Variants in KHDRBS2 observed in about 807,000 individuals in gnomAD.
KHDRBS2 encodes KH RNA binding domain containing, signal transduction associated 2.
KHDRBS2 carries 26 observed loss-of-function variants against 44.3 expected under a neutral mutation model. The observed-to-expected ratio is 0.59, with a 90% CI of 0.43 to 0.81. KHDRBS2 has a LOEUF of 0.81. Among genes scored for constraint, KHDRBS2 ranks in the 40% least tolerant of loss-of-function variants. KHDRBS2 has a pLI of 0.00. For missense variants in KHDRBS2, 476 were observed against 433.1 expected, an observed-to-expected ratio of 1.10 and a Z score of -0.88; for synonymous variants, 194 against 151.1, an observed-to-expected ratio of 1.28 and a Z score of -2.08.
chr6:61,702,237 C>T (rs548237148), intron 7 of KHDRBS2, among the ~76,000 whole-genome samples: 1 of 151,944 alleles, frequency 6.6e-6, no homozygotes, highest in South Asian at 2.1e-4. Flanking sequence ...AGTGATGTTA[C>T]TAATTTTTTA....
chr6:62,104,141 G>C (rs1802569748), intron 2 of KHDRBS2, among the ~76,000 whole-genome samples: 1 of 152,150 alleles, frequency 6.6e-6, no homozygotes, highest in East Asian at 1.9e-4. Flanking sequence ...TAGAATATCA[G>C]TAAGGTATAA....
intron 1 of KHDRBS2, among the ~76,000 whole-genome samples, chr6:62,244,044 T>C (rs1835124131): frequency 6.6e-6 from 1 of 152,170 alleles, no homozygotes; most frequent in Non-Finnish European, 1.5e-5. Flanking sequence ...TGAGTCATTC[T>C]GTCAGTCTTA....
chr6:61,954,450 T>C (rs1379540001), intron 4 of KHDRBS2, among the ~76,000 whole-genome samples: 25 of 146,646 alleles, frequency 1.7e-4, no homozygotes, highest in African/African-American at 6.0e-4. Context: ...CATATATACG[T>C]ATGTATGTAT....
the KHDRBS2 span, among the ~76,000 whole-genome samples, chr6:61,634,287 A>G: frequency 2.5e-3 from 374 of 152,082 alleles, 8 homozygotes; most frequent in East Asian, 0.017. Context: ...AAAGTTGGAA[A>G]TGGCTTTTGG....
At chr6:62,202,384 C>T (rs886306499) in intron 1 of KHDRBS2, among the ~76,000 whole-genome samples, 8 of 152,054 alleles carry the variant, frequency 5.3e-5, no homozygotes, top group African/African-American at 1.9e-4. Flanking sequence ...ATATCTAAGA[C>T]ATTGCTCAAT....
the KHDRBS2 span, among the ~76,000 whole-genome samples, chr6:61,671,403 G>A: frequency 2.8e-4 from 43 of 151,742 alleles, 2 homozygotes; most frequent in Middle Eastern, 0.014. Flanking sequence ...TAAGCCAGCT[G>A]TTGTTAGGGC....
At chr6:62,277,365 G>A (rs1447939685) in intron 1 of KHDRBS2, among the ~76,000 whole-genome samples, 11 of 151,760 alleles carry the variant, frequency 7.2e-5, no homozygotes, top group African/African-American at 2.2e-4. Flanking sequence ...TTTTTGAGAC[G>A]GAGTCTTGCT....
chr6:62,156,456 T>C (rs1383385699), intron 2 of KHDRBS2, among the ~76,000 whole-genome samples: 1 of 152,198 alleles, frequency 6.6e-6, no homozygotes, highest in South Asian at 2.1e-4. Context: ...TGATCATATG[T>C]TGGTAATTAA....
At chr6:62,229,023 T>A (rs1585306725) in intron 1 of KHDRBS2, among the ~76,000 whole-genome samples, 2 of 152,180 alleles carry the variant, frequency 1.3e-5, no homozygotes, top group African/African-American at 2.4e-5. Flanking sequence ...GCACTTTGAC[T>A]GTCCCTTGGT....
At chr6:61,581,690 G>T in the KHDRBS2 span, among the ~76,000 whole-genome samples, 3 of 149,684 alleles carry the variant, frequency 2.0e-5, no homozygotes, top group Non-Finnish European at 4.4e-5. Flanking sequence ...AAAATAGAAA[G>T]AAATAAATTG....
intron 1 of KHDRBS2, among the ~76,000 whole-genome samples, chr6:62,247,340 G>T (rs176605): frequency 1 from 151,809 of 151,810 alleles, 75,904 homozygotes; most frequent in Middle Eastern, 1. Context: ...TAAGTGTGGT[G>T]TTTGCCATTG....
At chr6:61,950,388 G>A (rs1231709487) in intron 4 of KHDRBS2, among the ~76,000 whole-genome samples, 1 of 151,972 alleles carries the variant, frequency 6.6e-6, no homozygotes, top group East Asian at 1.9e-4. Context: ...TAAGATAGTA[G>A]AATGTTGAAA....
intron 6 of KHDRBS2, among the ~76,000 whole-genome samples, chr6:61,734,866 A>G (rs1296881544): frequency 6.6e-6 from 1 of 152,164 alleles, no homozygotes; most frequent in African/African-American, 2.4e-5. Context: ...TTTTATGTGT[A>G]ACATGGAGAC....
chr6:61,968,764 T>G (rs1272130722), intron 4 of KHDRBS2, among the ~76,000 whole-genome samples: 2 of 152,026 alleles, frequency 1.3e-5, no homozygotes, highest in Non-Finnish European at 2.9e-5. Context: ...ATATCCTTGA[T>G]GAGGAGGCAT....
intron 1 of KHDRBS2, among the ~76,000 whole-genome samples, chr6:62,189,907 A>G (rs571886839): frequency 6.6e-6 from 1 of 152,154 alleles, no homozygotes; most frequent in Non-Finnish European, 1.5e-5. Flanking sequence ...AGAGATGTAG[A>G]ATCAGGAGTT....
At chr6:62,283,855 A>G (rs1236631613) in intron 1 of KHDRBS2, among the ~76,000 whole-genome samples, 1 of 152,126 alleles carries the variant, frequency 6.6e-6, no homozygotes, top group Non-Finnish European at 1.5e-5. Flanking sequence ...CCTTTTGCAT[A>G]ACTCTTTAGG....
At chr6:62,009,981 G>A (rs927941543) in intron 3 of KHDRBS2, among the ~76,000 whole-genome samples, 2 of 152,112 alleles carry the variant, frequency 1.3e-5, no homozygotes, top group African/African-American at 4.8e-5. Context: ...GCCTAGTGGA[G>A]CTATGAGAAC....
intron 2 of KHDRBS2, among the ~76,000 whole-genome samples, chr6:62,050,264 A>T (rs555843350): frequency 1.3e-5 from 2 of 152,012 alleles, no homozygotes; most frequent in Non-Finnish European, 2.9e-5. Context: ...GCACGCAGGG[A>T]GGGGAACATC....
chr6:61,661,623 T>A, the KHDRBS2 span, among the ~76,000 whole-genome samples: 1 of 151,878 alleles, frequency 6.6e-6, no homozygotes, highest in Non-Finnish European at 1.5e-5. Context: ...GAGAGGTTTT[T>A]TAAATAAGAT....
Sources: gnomAD v4.1 joint callset for allele counts (sites outside exome capture counted in the v4.1 genomes callset) on GRCh38, gnomAD v4.1.1 for gene constraint, MANE v1.5 for transcripts, NCBI Gene and HGNC (gene_info 2026-07-23, HGNC 2026-07-21) for gene names.